VWA8: variants seen among roughly 807,000 people sequenced by gnomAD.
The protein encoded by VWA8 is von Willebrand factor A domain-containing protein 8.
Under a neutral mutation model 241.5 loss-of-function variants are expected in VWA8, and 221 were observed. That is an observed-to-expected ratio of 0.91 (90% confidence interval 0.82 to 1.02). The LOEUF (loss-of-function observed/expected upper bound fraction) is 1.02. VWA8 is among the 50% of genes least tolerant of loss of function. The pLI is 0.00. For synonymous variants in VWA8, 852 were observed against 827.1 expected, an observed-to-expected ratio of 1.03 and a Z score of -0.52; for missense variants, 2,322 against 2,328.7, an observed-to-expected ratio of 1.00 and a Z score of 0.06.
intron 18 of VWA8, among the ~76,000 whole-genome samples, chr13:41,786,106 C>T (rs942834185): frequency 2.6e-5 from 4 of 152,108 alleles, no homozygotes; most frequent in East Asian, 1.9e-4. Flanking sequence ...TATTTTGGTA[C>T]ATTTGTCAAG....
intron 35 of VWA8, among the ~76,000 whole-genome samples, chr13:41,684,688 C>T (rs901105566): frequency 6.6e-6 from 1 of 152,132 alleles, no homozygotes; most frequent in Non-Finnish European, 1.5e-5. Context: ...AATCAGTCTG[C>T]ACGATAAGCC....
intron 37 of VWA8, among the ~76,000 whole-genome samples, chr13:41,651,582 A>G (rs2044869577): frequency 1.3e-5 from 2 of 152,262 alleles, no homozygotes; most frequent in South Asian, 4.1e-4. Flanking sequence ...GACACAGACA[A>G]TACATAAATG....
intron 36 of VWA8, among the ~76,000 whole-genome samples, chr13:41,671,651 T>C (rs1355123320): frequency 1.3e-5 from 2 of 151,766 alleles, no homozygotes; most frequent in African/African-American, 4.8e-5. Context: ...GTTGTGAGGG[T>C]AGAGCCTCTT....
Position 41,742,105 on chromosome 13 carries a change from T to C in VWA8, c.2427-9950A>G, listed in dbSNP as rs188660414. Among the ~76,000 whole-genome samples the C allele has an allele frequency of 1.6e-4, 24 of 152,326 alleles. No individual in the cohort carries two copies. The South Asian group carries it at 3.9e-3, about 25-fold the overall frequency. ...TCACATGGAAGGATGTAGAGCTAGA[T>C]AGGCAGGCTAAGTCCAGAGTGTACA... On this transcript the variant is annotated intron_variant, in intron 21 of 44. Coordinates refer to ENST00000379310, the MANE Select transcript of VWA8 (RefSeq NM_015058.2).
chr13:41,900,680 A>C (rs191262344), intron 4 of VWA8, among the ~76,000 whole-genome samples: 1 of 152,302 alleles, frequency 6.6e-6, no homozygotes, highest in East Asian at 1.9e-4. Context: ...TAAGAGTCAA[A>C]GCAGTACTGC....
chr13:41,951,855 T>G (rs1311938167), intron 1 of VWA8, among the ~76,000 whole-genome samples: 1 of 152,118 alleles, frequency 6.6e-6, no homozygotes, highest in Non-Finnish European at 1.5e-5. Flanking sequence ...AATTTGTAAA[T>G]CCATAACAGA....
In VWA8 at chr13:41,814,458, C is replaced by T. The variant is rs140968014; in HGVS notation, c.1947+2240G>A. 4.3e-4 allele frequency among the ~76,000 whole-genome samples: 65 copies of T among 151,600 alleles called. 3 individuals are homozygous for T. The highest frequency in any genetic ancestry group is 1.3e-3 in the Admixed American group (20 of 15,200). On this transcript the variant is annotated intron_variant, in intron 16 of 44. Transcript: ENST00000379310. ...TAAGGCAGAGACATTTGAGTATAAGCGGTATTAGAAAATAGCAAGAAGCTA... is the reference window on the plus strand; with the variant it reads ...TAAGGCAGAGACATTTGAGTATAAGTGGTATTAGAAAATAGCAAGAAGCTA...
chr13:41,922,848 T>C (rs1370995670), intron 2 of VWA8, among the ~76,000 whole-genome samples: 1 of 152,238 alleles, frequency 6.6e-6, no homozygotes, highest in Non-Finnish European at 1.5e-5. Context: ...GATTGTAAAC[T>C]AGTTCAACCA....
chr13:41,570,544 C>T lies in VWA8; in HGVS notation c.5533G>A (p.Ala1845Thr). Reference protein sequence around the residue: ...SRYGIHPAKFAQILTRDPQVN... With the variant: ...SRYGIHPAKFTQILTRDPQVN... ...TGAGGGTCTCTTGTGAGGATTTGAGCAAACTTAGCAGGATGTATTCCATAT... is the reference window on the plus strand; with the variant it reads ...TGAGGGTCTCTTGTGAGGATTTGAGTAAACTTAGCAGGATGTATTCCATAT... The change falls in exon 44 of 45, where the codon GCT (alanine) becomes ACT (threonine). Residue 1845 changes from alanine to threonine, a missense_variant. Ala to Thr is a moderately conservative substitution (Grantham distance 58). Transcript: ENST00000379310. 1 of 1,614,164 alleles carries T rather than the reference C, an allele frequency of 6.2e-7. No individual in the cohort carries two copies. The highest frequency in any genetic ancestry group is 1.1e-5 in the South Asian group (1 of 91,082).
intron 2 of VWA8, among the ~76,000 whole-genome samples, chr13:41,949,484 G>A (rs1031358456): frequency 6.6e-6 from 1 of 152,116 alleles, no homozygotes. Flanking sequence ...AGGGGGTAGG[G>A]GGCTAGGGGA....
chr13:41,891,352 T>C (rs991034539), intron 5 of VWA8, 68 bp downstream of exon 5: 10 of 1,584,320 alleles, frequency 6.3e-6, no homozygotes, highest in Non-Finnish European at 8.6e-6. Flanking sequence ...AGCCATGTCT[T>C]ACACAATAAA....
chr13:41,765,437 C>G (rs988633514), intron 20 of VWA8, among the ~76,000 whole-genome samples: 6 of 152,148 alleles, frequency 3.9e-5, no homozygotes, highest in Non-Finnish European at 7.4e-5. Context: ...TTTTAAGAAG[C>G]TCTGATAATT....
At chr13:41,697,508 G>A (rs1013325972) in intron 29 of VWA8, among the ~76,000 whole-genome samples, 3 of 152,160 alleles carry the variant, frequency 2.0e-5, no homozygotes, top group Non-Finnish European at 4.4e-5. Flanking sequence ...CCCACTGACT[G>A]GGGAGGTGGG....
At chr13:41,685,273 A>C in intron 34 of VWA8, 31 bp from the exon 35 acceptor site, 2 of 1,593,256 alleles carry the variant, frequency 1.3e-6, no homozygotes, top group Middle Eastern at 1.7e-4. Context: ...AAAGTACTGA[A>C]GTACCATATA....
intron 12 of VWA8, among the ~76,000 whole-genome samples, chr13:41,860,666 C>A (rs965719141): frequency 3.3e-5 from 5 of 152,136 alleles, no homozygotes; most frequent in African/African-American, 1.2e-4. Context: ...AGGAGAAAAT[C>A]TGTTCTCAGA....
At chr13:41,947,616 T>C (rs974579527) in intron 2 of VWA8, among the ~76,000 whole-genome samples, 2 of 152,150 alleles carry the variant, frequency 1.3e-5, no homozygotes, top group Non-Finnish European at 2.9e-5. Context: ...CTAGTTAGAA[T>C]GTAACATGGT....
chr13:41,926,498 C>T, intron 2 of VWA8: 1 of 530,934 alleles, frequency 1.9e-6, no homozygotes, highest in South Asian at 1.5e-5. Context: ...TCATAAGATG[C>T]TAGTGGTTGG....
At chr13:41,631,803 G>A (rs1287589750) in intron 37 of VWA8, among the ~76,000 whole-genome samples, 1 of 152,274 alleles carries the variant, frequency 6.6e-6, no homozygotes, top group Admixed American at 6.5e-5. Context: ...GTAGGTGAGT[G>A]TCAAAAACAA....
chr13:41,679,444 C>T (rs1270667484), intron 35 of VWA8, among the ~76,000 whole-genome samples: 2 of 152,174 alleles, frequency 1.3e-5, no homozygotes, highest in Admixed American at 1.3e-4. Context: ...TGTGTGCCCC[C>T]AAACTGTGCT....
Sources: allele counts gnomAD v4.1 joint callset (sites outside exome capture counted in the v4.1 genomes callset), GRCh38; gene constraint gnomAD v4.1.1; transcripts MANE v1.5; gene names NCBI Gene and HGNC (gene_info 2026-07-23, HGNC 2026-07-21).